NME7: variants seen among roughly 807,000 people sequenced by gnomAD.
The protein encoded by NME7 is nucleoside diphosphate kinase 7.
Under a neutral mutation model 49.1 loss-of-function variants are expected in NME7, and 41 were observed. The observed-to-expected ratio is 0.83, with a 90% CI of 0.65 to 1.08. NME7 has a LOEUF of 1.08. NME7 is among the 50% of genes least tolerant of loss of function. The probability of loss-of-function intolerance (pLI) is 0.00; values close to 1 mark genes in which losing one functional copy is unlikely to be tolerated. For synonymous variants in NME7, 139 were observed against 150.6 expected, an observed-to-expected ratio of 0.92 and a Z score of 0.56; for missense variants, 423 against 463.4, an observed-to-expected ratio of 0.91 and a Z score of 0.80.
At chr1:169,273,217 A>C (rs1649552202) in intron 7 of NME7, among the ~76,000 whole-genome samples, 1 of 127,064 alleles carries the variant, frequency 7.9e-6, no homozygotes, top group Non-Finnish European at 1.8e-5. Context: ...CTAGCCTCCC[A>C]CCCCCTGACA....
At chr1:169,315,786 A>C (rs1651601326) in intron 3 of NME7, among the ~76,000 whole-genome samples, 1 of 152,212 alleles carries the variant, frequency 6.6e-6, no homozygotes, top group Admixed American at 6.5e-5. Flanking sequence ...CAACACAAAG[A>C]AAGTAAAAAA....
At chr1:169,159,828 A>G (rs1286739547) in intron 11 of NME7, among the ~76,000 whole-genome samples, 1 of 152,074 alleles carries the variant, frequency 6.6e-6, no homozygotes, top group Non-Finnish European at 1.5e-5. Flanking sequence ...ATCTGGCTAG[A>G]TCTTTTCTCC....
chr1:169,313,919 G>A (rs1372582694), intron 3 of NME7, among the ~76,000 whole-genome samples: 1 of 152,032 alleles, frequency 6.6e-6, no homozygotes, highest in Non-Finnish European at 1.5e-5. Flanking sequence ...ATCTTGTGAT[G>A]AAAATACAAT....
intron 3 of NME7, among the ~76,000 whole-genome samples, chr1:169,311,981 G>C (rs1423506905): frequency 6.6e-5 from 10 of 152,186 alleles, no homozygotes; most frequent in Admixed American, 6.5e-4. Flanking sequence ...CATCATATGT[G>C]TTAATTTAAA....
intron 10 of NME7, among the ~76,000 whole-genome samples, chr1:169,200,864 C>T (rs1660527505): frequency 6.6e-6 from 1 of 152,138 alleles, no homozygotes; most frequent in South Asian, 2.1e-4. Context: ...GGGATTGTAG[C>T]TATCTTTTCA....
chr1:169,291,219 A>C (rs1348970053), intron 6 of NME7, among the ~76,000 whole-genome samples: 3 of 152,234 alleles, frequency 2.0e-5, no homozygotes, highest in Non-Finnish European at 2.9e-5. Flanking sequence ...ACGTATGTTT[A>C]TTGCAGCACT....
intron 6 of NME7, among the ~76,000 whole-genome samples, chr1:169,290,478 C>T (rs191610428): frequency 2.0e-5 from 3 of 152,212 alleles, no homozygotes; most frequent in Admixed American, 2.0e-4. Context: ...AAAACAGAAA[C>T]TGGACCCCTT....
At chr1:169,253,356 C>G (rs558838174) in intron 7 of NME7, among the ~76,000 whole-genome samples, 2 of 150,678 alleles carry the variant, frequency 1.3e-5, no homozygotes, top group Non-Finnish European at 3.0e-5. Flanking sequence ...TGATTTGGCT[C>G]TCTGTTTGTC....
intron 6 of NME7, among the ~76,000 whole-genome samples, chr1:169,290,366 C>A (rs1025333444): frequency 6.6e-6 from 1 of 152,114 alleles, no homozygotes; most frequent in African/African-American, 2.4e-5. Context: ...AGGCACACAT[C>A]TCCAACCATC....
intron 7 of NME7, among the ~76,000 whole-genome samples, chr1:169,256,443 G>C (rs995232762): frequency 3.8e-5 from 5 of 132,904 alleles, no homozygotes; most frequent in Admixed American, 2.2e-4. Context: ...CTCTGTATTG[G>C]TTATTCTAGT....
intron 1 of NME7, among the ~76,000 whole-genome samples, chr1:169,338,833 T>A (rs1213860111): frequency 6.6e-6 from 1 of 152,212 alleles, no homozygotes; most frequent in Non-Finnish European, 1.5e-5. Flanking sequence ...ATAAGTTAAA[T>A]GACTTGGCAA....
intron 4 of NME7, among the ~76,000 whole-genome samples, chr1:169,309,232 G>C (rs1651292335): frequency 6.6e-6 from 1 of 151,734 alleles, no homozygotes; most frequent in Non-Finnish European, 1.5e-5. Context: ...TCTTTTTGTT[G>C]CCTGGTGTAA....
intron 4 of NME7, among the ~76,000 whole-genome samples, chr1:169,309,630 C>T (rs1651308188): frequency 6.6e-6 from 1 of 152,068 alleles, no homozygotes; most frequent in Non-Finnish European, 1.5e-5. Context: ...TATTTTAACC[C>T]CCTCACCCCT....
At chr1:169,135,394 G>C (rs1658399951) in intron 11 of NME7, among the ~76,000 whole-genome samples, 1 of 152,150 alleles carries the variant, frequency 6.6e-6, no homozygotes, top group Admixed American at 6.5e-5. Context: ...TAAAGGATTA[G>C]TAACACTTTG....
intron 1 of NME7, among the ~76,000 whole-genome samples, chr1:169,328,414 G>A (rs1392007151): frequency 6.6e-6 from 1 of 152,112 alleles, no homozygotes; most frequent in Non-Finnish European, 1.5e-5. Flanking sequence ...GTCCACCTGT[G>A]ACTTTAGAAC....
chr1:169,210,830 G>A (rs12736886), intron 10 of NME7, among the ~76,000 whole-genome samples: 10,633 of 152,094 alleles, frequency 0.07, 1,482 homozygotes, highest in East Asian at 0.66. Flanking sequence ...CCCTGCCCCA[G>A]TCGTTCTCTC....
intron 1 of NME7, among the ~76,000 whole-genome samples, chr1:169,355,060 C>CTATATATTATATATAATATATAATATAT (rs1383719753): frequency 2.3e-5 from 1 of 43,732 alleles, no homozygotes; most frequent in African/African-American, 9.1e-5. Flanking sequence ...ATATAATATA[C>CTATATATTATATATAATATATAATATAT]TATATATTAT....
At chr1:169,250,216 C>T (rs557098629) in intron 7 of NME7, among the ~76,000 whole-genome samples, 2 of 151,970 alleles carry the variant, frequency 1.3e-5, no homozygotes, top group East Asian at 3.9e-4. Context: ...GTTTATGTTT[C>T]CTGGAATTTA....
At chr1:169,367,642 CG>C in intron 1 of NME7, 65 bp downstream of exon 1, 1 of 1,603,964 alleles carries the variant, frequency 6.2e-7, no homozygotes, top group East Asian at 2.2e-5. Context: ...CCCATCCGCC[CG>C]AAGACTTGGA....
Sources: allele counts gnomAD v4.1 joint callset (sites outside exome capture counted in the v4.1 genomes callset), GRCh38; gene constraint gnomAD v4.1.1; transcripts MANE v1.5; gene names NCBI Gene and HGNC (gene_info 2026-07-23, HGNC 2026-07-21).